Variants in SNTG1 observed in about 807,000 individuals in gnomAD.
SNTG1 encodes syntrophin gamma 1, also known as gamma-1-syntrophin.
In SNTG1, 39 loss-of-function variants were observed where a neutral mutation model predicts 74.7. The ratio of observed to expected loss-of-function variants is 0.52; its 90% CI spans 0.40 to 0.68. The LOEUF (loss-of-function observed/expected upper bound fraction) is 0.68. Ranked by LOEUF, SNTG1 falls within the 30% of genes least tolerant of loss-of-function variation. The pLI, the probability that SNTG1 is intolerant of heterozygous loss-of-function variation, is 0.00. For synonymous variants in SNTG1, 254 were observed against 217.1 expected, an observed-to-expected ratio of 1.17 and a Z score of -1.49; for missense variants, 685 against 609.5, an observed-to-expected ratio of 1.12 and a Z score of -1.30.
chr8:50,532,632 G>A (rs1020137542), intron 10 of SNTG1, among the ~76,000 whole-genome samples: 2 of 152,174 alleles, frequency 1.3e-5, no homozygotes, highest in Non-Finnish European at 2.9e-5. Context: ...GCTAGCACGT[G>A]CTGTTCCTTC....
chr8:50,681,327 C>T (rs927479619), intron 15 of SNTG1, among the ~76,000 whole-genome samples: 5 of 151,546 alleles, frequency 3.3e-5, no homozygotes, highest in African/African-American at 9.7e-5. Flanking sequence ...GAATTACATA[C>T]AAAAGGAGAG....
intron 1 of SNTG1, among the ~76,000 whole-genome samples, chr8:50,162,803 G>A (rs1456583781): frequency 2.0e-5 from 3 of 152,068 alleles, no homozygotes; most frequent in Non-Finnish European, 4.4e-5. Flanking sequence ...CCTGCCATCT[G>A]CTCCCACTGC....
chr8:50,471,735 A>T (rs2093655885), intron 8 of SNTG1, among the ~76,000 whole-genome samples: 1 of 152,220 alleles, frequency 6.6e-6, no homozygotes, highest in African/African-American at 2.4e-5. Context: ...CATATGAATG[A>T]AAAAGCAAAC....
intron 2 of SNTG1, among the ~76,000 whole-genome samples, chr8:50,208,388 C>CT (rs1040572076): frequency 2.2e-4 from 34 of 151,862 alleles, no homozygotes; most frequent in Non-Finnish European, 4.0e-4. Flanking sequence ...GTAACCCTTG[C>CT]TTTTTTTTGT....
In SNTG1 at chr8:50,385,310, C is replaced by A. The variant is rs2092556858; in HGVS notation, c.-27-8902C>A. On this transcript the variant is annotated intron_variant, in intron 2 of 18. Coordinates refer to ENST00000642720, the MANE Select transcript of SNTG1 (RefSeq NM_018967.5). ...TGAGGAATATGTTGCCTCCAAAACT[C>A]AAATAGGCCTCCTAGGCATTGTCCC... Among the ~76,000 whole-genome samples the A allele has an allele frequency of 2.6e-5, 4 of 152,292 alleles. No individual in the cohort carries two copies. In the South Asian group the frequency reaches 8.3e-4, roughly 32 times the overall value.
At chr8:49,946,834 T>C (rs536074122) in intron 1 of SNTG1, among the ~76,000 whole-genome samples, 1 of 152,346 alleles carries the variant, frequency 6.6e-6, no homozygotes, top group Admixed American at 6.5e-5. Flanking sequence ...TAACTTCTAG[T>C]TGGATTCAAA....
intron 4 of SNTG1, among the ~76,000 whole-genome samples, chr8:50,416,447 C>T (rs566149095): frequency 4.4e-4 from 66 of 151,520 alleles, no homozygotes; most frequent in Non-Finnish European, 9.2e-4. Context: ...AATTTAAGGC[C>T]TTCTTACTTA....
rs190193846 is a variant in SNTG1 at position 50,769,821 on chromosome 8, A to G, written c.1395+17710A>G. On this transcript the variant is annotated intron_variant, in intron 18 of 18. Coordinates refer to ENST00000642720, the MANE Select transcript of SNTG1 (RefSeq NM_018967.5). ...CAAATCTCTTATTTTATTTACATTAATTTAAAAGAGATAAAGCAAAATTTT... is the reference window on the plus strand; with the variant it reads ...CAAATCTCTTATTTTATTTACATTAGTTTAAAAGAGATAAAGCAAAATTTT... Among the ~76,000 whole-genome samples the G allele has an allele frequency of 9.0e-4, 137 of 152,212 alleles. 2 individuals carry two copies. The highest frequency in any genetic ancestry group is 6.8e-3 in the Middle Eastern group (2 of 294).
chr8:50,303,365 AT>A (rs1240254483), intron 2 of SNTG1, among the ~76,000 whole-genome samples: 1 of 152,070 alleles, frequency 6.6e-6, no homozygotes, highest in Non-Finnish European at 1.5e-5. Flanking sequence ...ATATGCTAAA[AT>A]TTCTCAATTT....
At chr8:50,196,467 G>A (rs563476686) in intron 2 of SNTG1, among the ~76,000 whole-genome samples, 112 of 152,228 alleles carry the variant, frequency 7.4e-4, no homozygotes, top group African/African-American at 2.6e-3. Context: ...TTTAAGCCGT[G>A]TCTACTTTTA....
At chr8:50,698,040 G>T (rs1249718825) in intron 15 of SNTG1, among the ~76,000 whole-genome samples, 2 of 152,106 alleles carry the variant, frequency 1.3e-5, no homozygotes, top group East Asian at 1.9e-4. Context: ...GCTAGAATTT[G>T]GTTGTGGATC....
chr8:50,567,525 T>C (rs1682995093), intron 12 of SNTG1, among the ~76,000 whole-genome samples: 1 of 152,112 alleles, frequency 6.6e-6, no homozygotes, highest in South Asian at 2.1e-4. Flanking sequence ...CATACACATA[T>C]GTATATGAGA....
In SNTG1 at chr8:50,629,176, G is replaced by A. The variant is rs145885334; in HGVS notation, c.850-27733G>A. ...CATGAGGACTATACTTAACAATACC[G>A]TGTTGCTCACTTGTGGTATATCTTC... is the stretch of plus-strand genomic sequence containing the variant. On this transcript the variant is annotated intron_variant, in intron 13 of 18. Coordinates refer to ENST00000642720, the MANE Select transcript of SNTG1 (RefSeq NM_018967.5). Among the ~76,000 whole-genome samples the A allele has an allele frequency of 2.0e-3, 297 of 152,206 alleles. 2 individuals are homozygous for A. Among genetic ancestry groups the A allele is most frequent in the African/African-American group, 6.6e-3 (275 of 41,548 alleles).
intron 2 of SNTG1, among the ~76,000 whole-genome samples, chr8:50,240,695 G>A (rs905610882): frequency 1.3e-5 from 2 of 152,062 alleles, no homozygotes; most frequent in African/African-American, 4.8e-5. Flanking sequence ...GCAACACTTC[G>A]GTTCTTCATG....
chr8:49,977,272 TG>T (rs1812278472), intron 1 of SNTG1, among the ~76,000 whole-genome samples: 1 of 148,156 alleles, frequency 6.7e-6, no homozygotes, highest in African/African-American at 2.6e-5. Context: ...TAATTTAGAC[TG>T]TTTTTTTTTC....
chr8:50,783,085 C>T (rs144221491), intron 18 of SNTG1, among the ~76,000 whole-genome samples: 2,526 of 152,192 alleles, frequency 0.017, 40 homozygotes, highest in Middle Eastern at 0.034. Context: ...GAGGAGTACC[C>T]GGCCGTGTGA....
intron 2 of SNTG1, among the ~76,000 whole-genome samples, chr8:50,314,290 T>C (rs1245581058): frequency 6.7e-6 from 1 of 149,812 alleles, no homozygotes; most frequent in African/African-American, 2.5e-5. Context: ...AAAGTTTTCC[T>C]TTTTATCTCT....
At chr8:49,969,465 C>T (rs1439128482) in intron 1 of SNTG1, among the ~76,000 whole-genome samples, 20 of 134,698 alleles carry the variant, frequency 1.5e-4, no homozygotes, top group African/African-American at 2.8e-5. Context: ...GGTGCAATCT[C>T]GGCTCACTGC....
chr8:50,344,323 G>T (rs2091408628), intron 2 of SNTG1, among the ~76,000 whole-genome samples: 1 of 152,164 alleles, frequency 6.6e-6, no homozygotes, highest in Admixed American at 6.5e-5. Flanking sequence ...TTAGCTCAGA[G>T]ATCTCCAGCT....
Sources: allele counts gnomAD v4.1 joint callset (sites outside exome capture counted in the v4.1 genomes callset), GRCh38; gene constraint gnomAD v4.1.1; transcripts MANE v1.5; gene names NCBI Gene and HGNC (gene_info 2026-07-23, HGNC 2026-07-21).